Variants in PAPPA2 observed in about 807,000 individuals in gnomAD.
PAPPA2 encodes the protein pappalysin-2.
In PAPPA2, 86 loss-of-function variants were observed where a neutral mutation model predicts 176.4. That is an observed-to-expected ratio of 0.49 (90% confidence interval 0.41 to 0.58). PAPPA2 has a LOEUF of 0.58. Ranked by LOEUF, PAPPA2 falls within the 20% of genes least tolerant of loss-of-function variation. The pLI is 0.00. For missense variants in PAPPA2, 2,073 were observed against 2,256.9 expected (o/e 0.92, Z 1.65); for synonymous variants, 809 against 852.2 (o/e 0.95, Z 0.88).
chr1:176,612,749 G>A (rs1019518640), intron 3 of PAPPA2, among the ~76,000 whole-genome samples: 3 of 152,148 alleles, frequency 2.0e-5, no homozygotes, highest in African/African-American at 7.2e-5. Flanking sequence ...TAAAGAATCA[G>A]TTTTGATTCT....
chr1:176,821,472 C>T (rs568584924), intron 21 of PAPPA2, among the ~76,000 whole-genome samples: 7 of 152,302 alleles, frequency 4.6e-5, no homozygotes, highest in African/African-American at 1.4e-4. Context: ...AAATAATCCA[C>T]AAATATAAAT....
chr1:176,602,668 G>A (rs984358838), intron 3 of PAPPA2, among the ~76,000 whole-genome samples: 3 of 152,024 alleles, frequency 2.0e-5, no homozygotes, highest in African/African-American at 7.3e-5. Flanking sequence ...GGGTAGAAGA[G>A]GGCAGGAAGA....
At chr1:176,737,274 CAAGAATCGAACTCAGG>C (rs1344737529) in intron 12 of PAPPA2, among the ~76,000 whole-genome samples, 1 of 152,000 alleles carries the variant, frequency 6.6e-6, no homozygotes, top group Non-Finnish European at 1.5e-5. Context: ...AAGAACAATC[CAAGAATCGAACTCAGG>C]GTTTCTGCCT....
At chr1:176,700,507 C>T (rs946206296) in intron 8 of PAPPA2, among the ~76,000 whole-genome samples, 8 of 152,202 alleles carry the variant, frequency 5.3e-5, no homozygotes, top group South Asian at 2.1e-4. Flanking sequence ...CCAGATGGCC[C>T]GGGATGACTT....
intron 3 of PAPPA2, among the ~76,000 whole-genome samples, chr1:176,649,768 G>C (rs1657610851): frequency 6.6e-6 from 1 of 151,372 alleles, no homozygotes; most frequent in Non-Finnish European, 1.5e-5. Context: ...TAAGATACTT[G>C]ACATGATTTT....
chr1:176,835,582 C>A (rs1667241276), intron 21 of PAPPA2, among the ~76,000 whole-genome samples: 1 of 152,288 alleles, frequency 6.6e-6, no homozygotes, highest in Non-Finnish European at 1.5e-5. Flanking sequence ...TGCAATGGCA[C>A]AATCCTGACT....
chr1:176,602,023 G>A (rs931512239), intron 3 of PAPPA2, among the ~76,000 whole-genome samples: 1 of 152,046 alleles, frequency 6.6e-6, no homozygotes, highest in Non-Finnish European at 1.5e-5. Context: ...GCTATAATGT[G>A]GAGAAAAGTC....
At chr1:176,787,866 G>A (rs893137711) in intron 17 of PAPPA2, among the ~76,000 whole-genome samples, 1 of 151,882 alleles carries the variant, frequency 6.6e-6, no homozygotes, top group Non-Finnish European at 1.5e-5. Flanking sequence ...TTCAAGACCA[G>A]CCTGAGCAAC....
chr1:176,546,112 A>G (rs1393347600), intron 1 of PAPPA2, among the ~76,000 whole-genome samples: 1 of 152,152 alleles, frequency 6.6e-6, no homozygotes, highest in African/African-American at 2.4e-5. Flanking sequence ...TGCACACTTT[A>G]TTTATTTGTT....
intron 4 of PAPPA2, among the ~76,000 whole-genome samples, chr1:176,680,235 A>T (rs1207286149): frequency 2.0e-5 from 3 of 152,214 alleles, no homozygotes; most frequent in Non-Finnish European, 4.4e-5. Flanking sequence ...CTAAATCTTC[A>T]GTAACATTAT....
chr1:176,681,664 C>T (rs1659591731), intron 4 of PAPPA2, among the ~76,000 whole-genome samples: 1 of 152,130 alleles, frequency 6.6e-6, no homozygotes, highest in Non-Finnish European at 1.5e-5. Flanking sequence ...TGTGGTTGCC[C>T]TTCCTGGTTG....
At chr1:176,564,625 A>C (rs561373509) in intron 2 of PAPPA2, among the ~76,000 whole-genome samples, 1 of 152,338 alleles carries the variant, frequency 6.6e-6, no homozygotes, top group East Asian at 1.9e-4. Flanking sequence ...GTTCAAGTAT[A>C]AACAGAACTT....
Position 176,595,525 on chromosome 1 carries a change from G to A in PAPPA2, c.1921G>A (p.Asp641Asn), listed in dbSNP as rs757471049. The change falls in exon 3 of 23, where the codon GAC becomes AAC. Residue 641 changes from aspartate to asparagine, a missense_variant. Transcript: ENST00000367662. ...TAACAACATGCTGAACGACTTTGAC[G>A]ACGGAGACTGCTGCGACCCCCAGGT... is the stretch of plus-strand genomic sequence containing the variant. ...ECNNMLNDFD[D>N]GDCCDPQVAD... 9.3e-6 allele frequency: 15 copies of A among 1,614,162 alleles called. No individual in the cohort carries two copies. Among genetic ancestry groups the A allele is most frequent in the South Asian group, 3.3e-5 (3 of 91,070 alleles).
rs906743782 is a variant in PAPPA2 at position 176,654,532 on chromosome 1, AT to A, written c.1992-16428del. Among the ~76,000 whole-genome samples, 154 of 147,030 alleles carry A rather than the reference AT, an allele frequency of 1.0e-3. No homozygotes were observed. The Middle Eastern group carries it at 0.011, about 10-fold the overall frequency. On this transcript the variant is annotated intron_variant, in intron 3 of 22. Transcript: ENST00000367662. ...GTCAGGTAATGTGGTGCCTCCAGCT[AT>A]TTTTTTTTTCTTAGGACTGCTTTGG...
At chr1:176,724,461 T>C (rs1003337105) in intron 12 of PAPPA2, among the ~76,000 whole-genome samples, 8 of 152,222 alleles carry the variant, frequency 5.3e-5, no homozygotes, top group Non-Finnish European at 8.8e-5. Context: ...CGTCAACATA[T>C]GCAAAATCAT....
At position 176,639,060 on chromosome 1, in the gene PAPPA2, A is replaced by T. The variant is rs569558178; in HGVS notation, c.1992-31910A>T. Among the ~76,000 whole-genome samples, 172 of 151,572 alleles carry T rather than the reference A, an allele frequency of 1.1e-3. 1 individual carries two copies. Among genetic ancestry groups the T allele is most frequent in the Middle Eastern group, 6.8e-3 (2 of 294 alleles). The stretch of plus-strand genomic sequence containing the variant: ...TGGAGTTAGAAATGCTGACTTTTTT[A>T]AAAAAAATAAAAGATGAGGCTAAAC... On this transcript the variant is annotated intron_variant, in intron 3 of 22. Transcript: ENST00000367662.
chr1:176,835,118 C>G (rs1313015925), intron 21 of PAPPA2, among the ~76,000 whole-genome samples: 1 of 152,114 alleles, frequency 6.6e-6, no homozygotes, highest in East Asian at 1.9e-4. Context: ...CTTAAGTTAC[C>G]CTTCTTTCTC....
chr1:176,634,986 G>C (rs1656609226), intron 3 of PAPPA2, among the ~76,000 whole-genome samples: 1 of 151,644 alleles, frequency 6.6e-6, no homozygotes, highest in Non-Finnish European at 1.5e-5. Context: ...TAGATAGATA[G>C]ATAGATAGAT....
intron 20 of PAPPA2, among the ~76,000 whole-genome samples, chr1:176,796,629 T>TTTCC (rs1233591967): frequency 2.0e-5 from 3 of 149,518 alleles, no homozygotes; most frequent in South Asian, 2.1e-4. Flanking sequence ...TCTTTCTTTC[T>TTTCC]TTTTCTTTCT....
Sources: allele counts gnomAD v4.1 joint callset (sites outside exome capture counted in the v4.1 genomes callset), GRCh38; gene constraint gnomAD v4.1.1; transcripts MANE v1.5; gene names NCBI Gene and HGNC (gene_info 2026-07-23, HGNC 2026-07-21).